POMT1: variants seen among roughly 807,000 people sequenced by gnomAD.
POMT1 encodes protein O-mannosyltransferase 1.
A neutral mutation model predicts 101.6 loss-of-function variants in POMT1; 85 were observed. That is an observed-to-expected ratio of 0.84 (90% CI 0.70 to 1.00). The LOEUF is 1.00. Ranked by LOEUF, POMT1 falls within the 50% of genes least tolerant of loss-of-function variation. The probability of loss-of-function intolerance (pLI) is 0.00; values close to 1 mark genes in which losing one functional copy is unlikely to be tolerated. For synonymous variants in POMT1, 371 were observed against 383.0 expected (o/e 0.97, Z 0.37); for missense variants, 857 against 930.4 (o/e 0.92, Z 1.03).
rs139774354 is a variant in POMT1 at position 131,509,995 on chromosome 9, A to T, written c.698A>T (p.Asn233Ile). 3.1e-6 allele frequency: 5 copies of T among 1,613,988 alleles called. No homozygotes were observed. The highest frequency in any genetic ancestry group is 3.3e-5 in the Admixed American group (2 of 60,006). The change falls in exon 8 of 20, where the codon AAT becomes ATT. Residue 233 changes from asparagine to isoleucine, a missense_variant and splice_region_variant. By Grantham distance (149) the Asn-to-Ile change is moderately radical. Transcript: ENST00000402686. The part of the protein sequence containing the change: ...WHLLGDQTLS[N>I]VCVFCHLLAR... The stretch of plus-strand genomic sequence containing the variant: ...CTGCTTGGAGACCAGACTTTGTCCA[A>T]TGTAGGTGCTGATGTCCAGTGCTGC...
rs1173536395 is a variant in POMT1 at position 131,503,826 on chromosome 9, G to C, written c.-30-363G>C. On this transcript the variant is annotated intron_variant, in intron 1 of 19. Coordinates refer to ENST00000402686, the MANE Select transcript of POMT1 (RefSeq NM_001077365.2). This position sits in a 1 kb window ranked among gnomAD's most constrained non-coding sequence, Gnocchi z 4.4. ...GCAGCTGAGATGGCACCCAGGAGCTGCCCAGGGTCAGGTAGCTGTGGCCGC... is the reference window on the plus strand; with the variant it reads ...GCAGCTGAGATGGCACCCAGGAGCTCCCCAGGGTCAGGTAGCTGTGGCCGC... Among the ~76,000 whole-genome samples, 2 of 152,184 alleles carry C rather than the reference G, an allele frequency of 1.3e-5. No homozygotes were observed. The highest frequency in any genetic ancestry group is 3.9e-4 in the East Asian group (2 of 5,192).
chr9:131,518,943 A>T lies in POMT1; in HGVS notation c.1472A>T (p.His491Leu). The change falls in exon 15 of 20, where the codon CAC (histidine) becomes CTC (leucine). Residue 491 changes from histidine (H) to leucine (L), a missense_variant. By Grantham distance (99) the His-to-Leu change is moderately conservative. Coordinates refer to ENST00000402686, the MANE Select transcript of POMT1 (RefSeq NM_001077365.2). ...AGCACGGTGTGGAACGTGGAGGAGCACCGATACGGCGCGAGTGAGTCCGCG... is the reference window on the plus strand; with the variant it reads ...AGCACGGTGTGGAACGTGGAGGAGCTCCGATACGGCGCGAGTGAGTCCGCG... ...HGSTVWNVEE[H>L]RYGASQEQRE... is the part of the protein sequence containing the mutation. The T allele has an allele frequency of 6.2e-7, 1 of 1,613,576 alleles. No individual in the cohort carries two copies.
chr9:131,515,316 C>T (rs1948067069), intron 12 of POMT1, 110 bp from the exon 13 acceptor site: 1 of 1,119,990 alleles, frequency 8.9e-7, no homozygotes, highest in Admixed American at 1.7e-5. Context: ...CCCCTTATGG[C>T]TGAGCCGGCT....
At chr9:131,521,209 G>C in intron 17 of POMT1, 137 bp from the exon 18 acceptor site, 1 of 1,231,610 alleles carries the variant, frequency 8.1e-7, no homozygotes. Flanking sequence ...GTAAGGCCTA[G>C]TGGATGCTAG....
intron 18 of POMT1, 37 bp downstream of exon 18, chr9:131,521,509 A>G (rs773066828): frequency 8.1e-6 from 13 of 1,604,850 alleles, no homozygotes; most frequent in Middle Eastern, 1.6e-4. Flanking sequence ...TTTCTTTTTA[A>G]TATAGACATG....
At chr9:131,504,747 A>ATGTGTGTG (rs1554770656) in intron 2 of POMT1, among the ~76,000 whole-genome samples, 62 of 122,772 alleles carry the variant, frequency 5.1e-4, no homozygotes, top group African/African-American at 1.5e-3. Context: ...TAACTGATTA[A>ATGTGTGTG]TGTGTGTATG....
chr9:131,515,443 C>G lies in POMT1; in HGVS notation c.1193C>G (p.Pro398Arg), dbSNP rs776388419. ...RSLNTHDVAA[P>R]LSPHSQEVSC... ...TTTTCCAGGCATGATGTTGCAGCCC[C>G]CCTGAGCCCCCATTCACAGGAGGTC... The change falls in exon 13 of 20, where the codon CCC (proline) becomes CGC (arginine). Residue 398 changes from proline to arginine, a missense_variant. Transcript: ENST00000402686. The G allele has an allele frequency of 1.2e-6, 2 of 1,614,230 alleles. No homozygotes were observed. Among genetic ancestry groups the G allele is most frequent in the Non-Finnish European group, 1.7e-6 (2 of 1,180,016 alleles).
intron 13 of POMT1, chr9:131,518,227 A>G: frequency 1.5e-6 from 1 of 663,224 alleles, no homozygotes; most frequent in Non-Finnish European, 2.8e-6. Context: ...CTTGGCGAGG[A>G]GGAGGGTGCA....
Position 131,519,555 on chromosome 9 carries a change from G to A in POMT1, c.1584+69G>A. On this transcript the variant is annotated intron_variant, in intron 16 of 19. Transcript: ENST00000402686. This position sits in a 1 kb window ranked among gnomAD's most constrained non-coding sequence, Gnocchi z 4.3. ...GACTCCTCAGCAGGGAGGCCTGGGG[G>A]CTGCACAGGACTCAAACCAGAGTCA... The A allele has an allele frequency of 1.4e-6, 2 of 1,444,430 alleles. No homozygotes were observed. The highest frequency in any genetic ancestry group is 1.9e-6 in the Non-Finnish European group (2 of 1,060,476). 89.5% of individuals were successfully genotyped at this position (1,444,430 alleles called of 1,614,324 possible). A position where few individuals can be genotyped will look rare whatever the true frequency, so the allele number is the denominator to read the frequency against.
At position 131,522,517 on chromosome 9, in the gene POMT1, C is replaced by T; in HGVS notation, c.2003+293C>T. On this transcript the variant is annotated intron_variant, in intron 19 of 19. Coordinates refer to ENST00000402686, the MANE Select transcript of POMT1 (RefSeq NM_001077365.2). This position sits in a 1 kb window ranked among gnomAD's most constrained non-coding sequence, Gnocchi z 5.5. The stretch of plus-strand genomic sequence containing the variant: ...AGGATTCGGGAGCAGGGAGCAAGGC[C>T]CAGGAGCCTGGGGTGTCAGAAACGG... 3.5e-6 allele frequency: 2 copies of T among 571,432 alleles called. No individual in the cohort carries two copies. Among genetic ancestry groups the T allele is most frequent in the South Asian group, 4.1e-5 (2 of 49,012 alleles). 35.4% of individuals were successfully genotyped at this position (571,432 alleles called of 1,614,324 possible). A position where few individuals can be genotyped will look rare whatever the true frequency, so the allele number is the denominator to read the frequency against.
Position 131,522,196 on chromosome 9 carries a change from C to A in POMT1, c.1975C>A (p.Leu659Met). 1 of 1,614,034 alleles carries A rather than the reference C, an allele frequency of 6.2e-7. No individual in the cohort carries two copies. The highest frequency in any genetic ancestry group is 8.5e-7 in the Non-Finnish European group (1 of 1,180,050). Residue 659 changes from leucine to methionine, a missense_variant, in exon 19 of 20, where the codon CTG becomes ATG. By Grantham distance (15) the Leu-to-Met change is conservative. Coordinates refer to ENST00000402686, the MANE Select transcript of POMT1 (RefSeq NM_001077365.2). This position sits in a 1 kb window ranked among gnomAD's most constrained non-coding sequence, Gnocchi z 5.5. ...TFQILLLPVVLQHISDHLCRS... is the reference protein window; with the variant it reads ...TFQILLLPVVMQHISDHLCRS... The stretch of plus-strand genomic sequence containing the variant: ...CCAAATCCTTCTGCTCCCTGTGGTC[C>A]TGCAGCACATCAGCGACCACCTGTG...
In POMT1 at chr9:131,519,630, C is replaced by T; in HGVS notation, c.1584+144C>T. On this transcript the variant is annotated intron_variant, in intron 16 of 19. Transcript: ENST00000402686. This position sits in a 1 kb window ranked among gnomAD's most constrained non-coding sequence, Gnocchi z 4.3. The stretch of plus-strand genomic sequence containing the variant: ...TCACAACAGAATGAGTGTCTCCTCT[C>T]TCCAGTGTAAGGGACTGTGTGTGAC... The T allele has an allele frequency of 2.4e-6, 2 of 838,558 alleles. No homozygotes were observed. The highest frequency in any genetic ancestry group is 3.9e-6 in the Non-Finnish European group (2 of 515,230). 51.9% of individuals were successfully genotyped at this position (838,558 alleles called of 1,614,324 possible). A position where few individuals can be genotyped will look rare whatever the true frequency, so the allele number is the denominator to read the frequency against.
intron 6 of POMT1, among the ~76,000 whole-genome samples, chr9:131,509,339 C>T (rs1167591647): frequency 3.3e-5 from 5 of 152,114 alleles, no homozygotes; most frequent in South Asian, 2.1e-4. Flanking sequence ...TTAGTGGAGA[C>T]GGGGTTTCAC....
intron 10 of POMT1, 76 bp from the exon 11 acceptor site, chr9:131,511,965 C>A: frequency 6.6e-7 from 1 of 1,516,152 alleles, no homozygotes. Context: ...CCTACCTCAG[C>A]CTCCCAAAGT....
At chr9:131,517,627 C>G (rs1459092299) in intron 13 of POMT1, among the ~76,000 whole-genome samples, 4 of 152,168 alleles carry the variant, frequency 2.6e-5, no homozygotes. Flanking sequence ...CACTCGCCGT[C>G]TCTGTGCTCT....
chr9:131,511,198 T>C, intron 9 of POMT1, 139 bp from the exon 10 acceptor site: 2 of 890,796 alleles, frequency 2.2e-6, no homozygotes, highest in Non-Finnish European at 1.7e-6. Context: ...TGTGATTAAA[T>C]GGGAGATCAT....
At position 131,515,486 on chromosome 9, in the gene POMT1, T is replaced by A. The variant is rs1341741871; in HGVS notation, c.1236T>A (p.Tyr412Ter). 1 of 1,614,232 alleles carries A rather than the reference T, an allele frequency of 6.2e-7. No homozygotes were observed. The highest frequency in any genetic ancestry group is 8.5e-7 in the Non-Finnish European group (1 of 1,180,036). Reference sequence around the variant, plus strand: ...AGGAGGTCTCCTGCTACATTGACTATAACATCTCCATGCCCGCCCAGAACC... The same window carrying A: ...AGGAGGTCTCCTGCTACATTGACTAAAACATCTCCATGCCCGCCCAGAACC... Reference protein sequence around the residue: ...HSQEVSCYIDYNISMPAQNLW... With the variant: ...HSQEVSCYID The change falls in exon 13 of 20, where the codon TAT becomes TAA. Residue 412 changes from tyrosine (Y) to a stop codon, truncating the protein, a stop_gained. Transcript: ENST00000402686. LOFTEE classifies it high-confidence loss of function.
chr9:131,509,682 C>T, intron 6 of POMT1, 61 bp from the exon 7 acceptor site: 1 of 1,613,936 alleles, frequency 6.2e-7, no homozygotes, highest in East Asian at 2.2e-5. Context: ...TGGAGCTTCA[C>T]TAGCCTTTTG....
At position 131,519,406 on chromosome 9, in the gene POMT1, C is replaced by A; in HGVS notation, c.1504C>A (p.Arg502=). 1 of 1,551,914 alleles carries A rather than the reference C, an allele frequency of 6.4e-7. No individual in the cohort carries two copies. The highest frequency in any genetic ancestry group is 1.4e-5 in the African/African-American group (1 of 73,252). Residue 502 remains arginine (R), a synonymous_variant, in exon 16 of 20, where the codon CGG becomes AGG. Transcript: ENST00000402686. The surrounding 1 kb of genome is among the most constrained non-coding windows in gnomAD (Gnocchi z 4.3). The part of the protein sequence containing the change: ...RYGASQEQRE[R]ERELHSPAQV... ...TCTGCCAGGCCAGGAGCAGAGGGAG[C>A]GGGAACGGGAGCTGCACTCACCTGC...
Sources: allele counts gnomAD v4.1 joint callset (sites outside exome capture counted in the v4.1 genomes callset), GRCh38; gene constraint gnomAD v4.1.1; non-coding constraint Gnocchi (gnomAD v3.1); transcripts MANE v1.5; gene names NCBI Gene and HGNC (gene_info 2026-07-23, HGNC 2026-07-21).